Variants in STXBP4 observed in about 807,000 individuals in gnomAD.
The protein encoded by STXBP4 is syntaxin binding protein 4.
STXBP4 carries 55 observed loss-of-function variants against 76.1 expected under a neutral mutation model. That is an observed-to-expected ratio of 0.72 (90% CI 0.58 to 0.91). STXBP4 has a LOEUF of 0.91. Ranked by LOEUF, STXBP4 falls within the 40% of genes least tolerant of loss-of-function variation. The pLI is 0.00. For synonymous variants in STXBP4, 201 were observed against 220.2 expected (o/e 0.91, Z 0.77); for missense variants, 618 against 636.9 (o/e 0.97, Z 0.32).
At position 55,168,245 on chromosome 17, in the gene STXBP4, A is replaced by T. The variant is rs1380669922; in HGVS notation, c.*8334A>T. On this transcript the variant is annotated 3_prime_UTR_variant, in exon 18 of 18. Coordinates refer to ENST00000376352, the MANE Select transcript of STXBP4 (RefSeq NM_178509.6). ...TATATATATCTGTGTGTATATACAC[A>T]CCACACACACACACACACACACGTA... 2.1e-5 allele frequency: 1 copy of T among 46,930 alleles called. No homozygotes were observed. The highest frequency in any genetic ancestry group is 4.5e-5 in the Non-Finnish European group (1 of 22,174). The allele number at this position is 46,930 out of a possible 1,614,324, so 2.9% of individuals were successfully genotyped here.
intron 12 of STXBP4, among the ~76,000 whole-genome samples, chr17:55,058,845 T>G (rs2078963779): frequency 1.3e-5 from 2 of 152,162 alleles, no homozygotes; most frequent in South Asian, 4.1e-4. Context: ...TTACAAATGT[T>G]GGACATTTAC....
At chr17:55,185,433 C>T in the STXBP4 span, among the ~76,000 whole-genome samples, 3 of 151,048 alleles carry the variant, frequency 2.0e-5, no homozygotes, top group Admixed American at 2.0e-4. Flanking sequence ...AACTTGCTCT[C>T]AAGTGGGGTG....
chr17:55,147,236 G>A (rs1016957437), intron 17 of STXBP4, among the ~76,000 whole-genome samples: 1 of 152,172 alleles, frequency 6.6e-6, no homozygotes, highest in Admixed American at 6.5e-5. Context: ...CAGGGGGTAG[G>A]GGGACGGTTT....
At chr17:55,142,905 C>T (rs1042112651) in intron 17 of STXBP4, among the ~76,000 whole-genome samples, 1 of 152,178 alleles carries the variant, frequency 6.6e-6, no homozygotes, top group African/African-American at 2.4e-5. Flanking sequence ...CAGAATCAGA[C>T]CTCTTCTGGA....
At chr17:55,051,423 A>C (rs1200268729) in intron 12 of STXBP4, among the ~76,000 whole-genome samples, 1 of 152,162 alleles carries the variant, frequency 6.6e-6, no homozygotes, top group Non-Finnish European at 1.5e-5. Context: ...GGAATTTCAT[A>C]CAAGTCCTAA....
intron 12 of STXBP4, among the ~76,000 whole-genome samples, chr17:55,058,757 T>C (rs2078962906): frequency 5.3e-5 from 8 of 152,292 alleles, no homozygotes; most frequent in Admixed American, 5.2e-4. Context: ...TTTCCCAGTA[T>C]TTTTATCATA....
chr17:54,971,017 A>G (rs1182537040), intron 1 of STXBP4, among the ~76,000 whole-genome samples: 1 of 152,242 alleles, frequency 6.6e-6, no homozygotes. Context: ...TTTGAATGAA[A>G]TGTGTAGAAC....
chr17:55,017,725 G>A (rs942343455), intron 8 of STXBP4, among the ~76,000 whole-genome samples: 2 of 152,090 alleles, frequency 1.3e-5, no homozygotes, highest in Admixed American at 1.3e-4. Flanking sequence ...TACTCTAGTC[G>A]GCCCTTGGCT....
chr17:54,974,074 ATAAGT>A (rs543375167), intron 1 of STXBP4, among the ~76,000 whole-genome samples: 2 of 152,222 alleles, frequency 1.3e-5, no homozygotes, highest in Non-Finnish European at 2.9e-5. Context: ...AATCCATAAC[ATAAGT>A]TAAGGAAATT....
At chr17:55,086,734 A>G (rs1243539171) in intron 16 of STXBP4, among the ~76,000 whole-genome samples, 1 of 152,158 alleles carries the variant, frequency 6.6e-6, no homozygotes, top group African/African-American at 2.4e-5. Context: ...TACACATGGC[A>G]GGATGTCTCT....
chr17:55,208,920 G>GA, the STXBP4 span, among the ~76,000 whole-genome samples: 1,773 of 140,236 alleles, frequency 0.013, 21 homozygotes, highest in African/African-American at 0.035. Flanking sequence ...TGTCTCTACA[G>GA]AAAAAAAAAA....
chr17:55,084,918 A>G (rs1467812026), intron 16 of STXBP4, among the ~76,000 whole-genome samples: 1 of 152,194 alleles, frequency 6.6e-6, no homozygotes, highest in Non-Finnish European at 1.5e-5. Flanking sequence ...ATGTATGTTT[A>G]TTGCGGCATT....
chr17:55,121,780 T>G (rs2079846205), intron 16 of STXBP4, among the ~76,000 whole-genome samples: 1 of 151,880 alleles, frequency 6.6e-6, no homozygotes, highest in Non-Finnish European at 1.5e-5. Flanking sequence ...GCTTAGAAAC[T>G]TCTGCTTGGG....
intron 16 of STXBP4, among the ~76,000 whole-genome samples, chr17:55,114,084 T>C (rs2079754695): frequency 6.6e-6 from 1 of 152,094 alleles, no homozygotes; most frequent in African/African-American, 2.4e-5. Flanking sequence ...ACCTTTCCAA[T>C]CTTATTTATT....
At chr17:55,086,600 G>A (rs186987231) in intron 16 of STXBP4, among the ~76,000 whole-genome samples, 8 of 151,842 alleles carry the variant, frequency 5.3e-5, no homozygotes, top group African/African-American at 1.2e-4. Context: ...TTTTACTTCC[G>A]TGAGATCAAC....
intron 12 of STXBP4, among the ~76,000 whole-genome samples, chr17:55,065,879 C>T (rs1047553047): frequency 1.3e-5 from 2 of 152,118 alleles, no homozygotes; most frequent in African/African-American, 4.8e-5. Context: ...AGTAAGGCAG[C>T]TGCAGGTAAA....
chr17:55,205,371 A>C, the STXBP4 span, among the ~76,000 whole-genome samples: 1 of 152,174 alleles, frequency 6.6e-6, no homozygotes, highest in Non-Finnish European at 1.5e-5. Flanking sequence ...AGATTCAAAC[A>C]ATCATAATGT....
At chr17:55,206,441 G>GCCTAATCCTAGTTTCTAGGATTAAT in the STXBP4 span, among the ~76,000 whole-genome samples, 1 of 152,100 alleles carries the variant, frequency 6.6e-6, no homozygotes, top group Non-Finnish European at 1.5e-5. Context: ...GCCAGCACAG[G>GCCTAATCCTAGTTTCTAGGATTAAT]CCTAATCCTA....
intron 8 of STXBP4, among the ~76,000 whole-genome samples, chr17:55,012,244 C>G (rs539209920): frequency 6.6e-6 from 1 of 152,062 alleles, no homozygotes. Context: ...TTTCCTTCTT[C>G]GGTGGCTAGC....
Sources: allele counts gnomAD v4.1 joint callset (sites outside exome capture counted in the v4.1 genomes callset), GRCh38; gene constraint gnomAD v4.1.1; transcripts MANE v1.5; gene names NCBI Gene and HGNC (gene_info 2026-07-23, HGNC 2026-07-21).